RXFP1: variants seen among roughly 807,000 people sequenced by gnomAD.
The protein encoded by RXFP1 is relaxin receptor 1.
A neutral mutation model predicts 89.8 loss-of-function variants in RXFP1; 73 were observed. That is an observed-to-expected ratio of 0.81 (90% CI 0.67 to 0.99). RXFP1 has a LOEUF of 0.99. Ranked by LOEUF, RXFP1 falls within the 50% of genes least tolerant of loss-of-function variation. The pLI, the probability that RXFP1 is intolerant of heterozygous loss-of-function variation, is 0.00. For synonymous variants in RXFP1, 277 were observed against 305.5 expected (o/e 0.91, Z 0.97); for missense variants, 793 against 895.5 (o/e 0.89, Z 1.46).
intron 1 of RXFP1, among the ~76,000 whole-genome samples, chr4:158,534,896 AT>A (rs1032827814): frequency 5.4e-5 from 3 of 55,256 alleles, no homozygotes; most frequent in East Asian, 5.6e-4. Context: ...ATAATAAGTA[AT>A]TTTTATTACA....
chr4:158,601,653 C>T (rs1761718983), intron 4 of RXFP1, among the ~76,000 whole-genome samples: 1 of 152,280 alleles, frequency 6.6e-6, no homozygotes, highest in Non-Finnish European at 1.5e-5. Flanking sequence ...ATAGCACATA[C>T]ATTAAAAAGT....
chr4:158,646,189 T>A lies in RXFP1; in HGVS notation c.1346-602T>A. The A allele has an allele frequency of 7.0e-6, 2 of 284,934 alleles. 1 individual carries two copies. Among genetic ancestry groups the A allele is most frequent in the South Asian group, 6.3e-5 (2 of 31,738 alleles). The allele number at this position is 284,934 out of a possible 1,614,324, so 17.7% of individuals were successfully genotyped here. A position where few individuals can be genotyped will look rare whatever the true frequency, so the allele number is the denominator to read the frequency against. On this transcript the variant is annotated intron_variant, in intron 15 of 17. Coordinates refer to ENST00000307765, the MANE Select transcript of RXFP1 (RefSeq NM_021634.4). The stretch of plus-strand genomic sequence containing the variant: ...AAGAGACAGAAAAAGATGTAAAAAT[T>A]GAAAGAGAGAGAAAACAGTTTTGCT...
At chr4:158,624,074 A>C (rs573744877) in intron 9 of RXFP1, among the ~76,000 whole-genome samples, 1 of 152,172 alleles carries the variant, frequency 6.6e-6, no homozygotes, top group East Asian at 1.9e-4. Flanking sequence ...TAATCCTAAT[A>C]GATATGAACT....
intron 6 of RXFP1, among the ~76,000 whole-genome samples, chr4:158,611,507 C>G (rs1763572854): frequency 6.6e-6 from 1 of 152,178 alleles, no homozygotes; most frequent in East Asian, 1.9e-4. Flanking sequence ...TGGTGAGGCC[C>G]CATTGAATTA....
At chr4:158,523,432 G>GA (rs1245389929) in intron 1 of RXFP1, among the ~76,000 whole-genome samples, 2 of 152,112 alleles carry the variant, frequency 1.3e-5, no homozygotes, top group South Asian at 4.1e-4. Flanking sequence ...TTCAGGTTAG[G>GA]AAAAAAATTC....
chr4:158,603,893 A>AATAATAATAATG (rs1762128334), intron 4 of RXFP1, among the ~76,000 whole-genome samples: 1 of 76,438 alleles, frequency 1.3e-5, no homozygotes, highest in African/African-American at 9.3e-5. Context: ...CCATCTCAAT[A>AATAATAATAATG]ATAATAATAA....
intron 17 of RXFP1, among the ~76,000 whole-genome samples, chr4:158,650,442 T>C (rs1431901731): frequency 6.7e-6 from 1 of 149,298 alleles, no homozygotes; most frequent in Non-Finnish European, 1.5e-5. Context: ...AATATATATA[T>C]ATATATATAA....
chr4:158,563,387 A>G (rs1367004257), intron 1 of RXFP1, among the ~76,000 whole-genome samples: 1 of 152,156 alleles, frequency 6.6e-6, no homozygotes, highest in Admixed American at 6.5e-5. Context: ...AAATCATGAT[A>G]TTCATATAAA....
Position 158,568,280 on chromosome 4 carries a change from C to T in RXFP1, c.50-4418C>T, listed in dbSNP as rs114691106. ...AGTGAGACCAAGAACCCACCAATTC[C>T]GGACACAATACAATCATTGAGGAGC... On this transcript the variant is annotated intron_variant, in intron 1 of 17. Coordinates refer to ENST00000307765, the MANE Select transcript of RXFP1 (RefSeq NM_021634.4). Among the ~76,000 whole-genome samples the T allele has an allele frequency of 1.0e-2, 1,522 of 152,264 alleles. 25 individuals carry two copies. The highest frequency in any genetic ancestry group is 0.034 in the African/African-American group (1,403 of 41,546).
intron 2 of RXFP1, among the ~76,000 whole-genome samples, chr4:158,592,964 C>T (rs1452698206): frequency 6.6e-6 from 1 of 150,722 alleles, no homozygotes; most frequent in African/African-American, 2.4e-5. Context: ...GTCAAGTTCC[C>T]GTAGTCCCAG....
chr4:158,593,316 G>A (rs1334262890), intron 2 of RXFP1, 85 bp from the exon 3 acceptor site: 7 of 751,314 alleles, frequency 9.3e-6, no homozygotes, highest in Non-Finnish European at 1.5e-5. Flanking sequence ...CCACTGGACT[G>A]TTTTAAAGAG....
intron 1 of RXFP1, among the ~76,000 whole-genome samples, chr4:158,548,640 G>A (rs1579515131): frequency 6.6e-6 from 1 of 152,264 alleles, no homozygotes; most frequent in Middle Eastern, 3.4e-3. Context: ...TTTTAGGGCA[G>A]GCCTGGTGGT....
intron 5 of RXFP1, among the ~76,000 whole-genome samples, chr4:158,606,298 A>T (rs1762523469): frequency 6.6e-6 from 1 of 152,224 alleles, no homozygotes; most frequent in South Asian, 2.1e-4. Context: ...TTTGCACAAT[A>T]AACATTGAAT....
intron 17 of RXFP1, among the ~76,000 whole-genome samples, chr4:158,649,814 C>T (rs1273224531): frequency 6.6e-6 from 1 of 152,134 alleles, no homozygotes; most frequent in Admixed American, 6.5e-5. Flanking sequence ...AAATTTAAAC[C>T]ATCCAATGGT....
intron 12 of RXFP1, among the ~76,000 whole-genome samples, chr4:158,637,030 A>C (rs1246352761): frequency 1.3e-5 from 2 of 152,312 alleles, no homozygotes; most frequent in East Asian, 3.9e-4. Context: ...TTCATGTAGC[A>C]TAATGTCCTC....
At chr4:158,567,732 T>A (rs1753919835) in intron 1 of RXFP1, among the ~76,000 whole-genome samples, 1 of 152,208 alleles carries the variant, frequency 6.6e-6, no homozygotes, top group Admixed American at 6.5e-5. Flanking sequence ...TCAGGGATTG[T>A]AAACACACCA....
upstream of RXFP1, chr4:158,521,772 AT>A: frequency 1.9e-6 from 1 of 534,720 alleles, no homozygotes; most frequent in South Asian, 2.6e-5. Context: ...GGGAGGAGAG[AT>A]CCTGAGAATA....
intron 8 of RXFP1, among the ~76,000 whole-genome samples, chr4:158,615,478 G>T (rs529293289): frequency 6.6e-6 from 1 of 152,020 alleles, no homozygotes; most frequent in Non-Finnish European, 1.5e-5. Flanking sequence ...GGAGGTTGCA[G>T]TGAGCCGAGA....
At chr4:158,643,320 C>T (rs1164869292) in intron 14 of RXFP1, among the ~76,000 whole-genome samples, 2 of 152,134 alleles carry the variant, frequency 1.3e-5, no homozygotes, top group Admixed American at 1.3e-4. Context: ...TTACCAAGGA[C>T]TCTCTTACCC....
Sources: allele counts gnomAD v4.1 joint callset (sites outside exome capture counted in the v4.1 genomes callset), GRCh38; gene constraint gnomAD v4.1.1; transcripts MANE v1.5; gene names NCBI Gene and HGNC (gene_info 2026-07-23, HGNC 2026-07-21).